The following ADAMTS8 variants were observed in gnomAD, a reference collection of about 807,000 sequenced individuals.
ADAMTS8 encodes A disintegrin and metalloproteinase with thrombospondin motifs 8.
ADAMTS8 carries 50 observed loss-of-function variants against 64.4 expected under a neutral mutation model. That is an observed-to-expected ratio of 0.78 (90% CI 0.62 to 0.98). ADAMTS8 has a LOEUF of 0.98. ADAMTS8 is among the 50% of genes least tolerant of loss of function. The probability of loss-of-function intolerance (pLI) is 0.00; values close to 1 mark genes in which losing one functional copy is unlikely to be tolerated. For synonymous variants in ADAMTS8, 556 were observed against 533.6 expected (o/e 1.04, Z -0.58); for missense variants, 1,192 against 1,208.2 (o/e 0.99, Z 0.20).
chr11:130,410,069 C>T lies in ADAMTS8; in HGVS notation c.1751-1129G>A, dbSNP rs144037728. Among the ~76,000 whole-genome samples the T allele has an allele frequency of 7.8e-4, 119 of 152,304 alleles. 1 individual carries two copies. The highest frequency in any genetic ancestry group is 3.4e-3 in the Middle Eastern group (1 of 294). On this transcript the variant is annotated intron_variant, in intron 6 of 8. Coordinates refer to ENST00000257359, the MANE Select transcript of ADAMTS8 (RefSeq NM_007037.6). ...CACCTAAGTGAATGAGGGCCCTTCT[C>T]ACACCTTTCCACCACCCTGGCAGGT... is the stretch of plus-strand genomic sequence containing the variant.
chr11:130,409,468 A>G (rs1861926562), intron 6 of ADAMTS8, among the ~76,000 whole-genome samples: 1 of 152,126 alleles, frequency 6.6e-6, no homozygotes, highest in South Asian at 2.1e-4. Context: ...AGCATGGCCA[A>G]GCTCCCGATG....
Position 130,427,577 on chromosome 11 carries a change from GCC to G in ADAMTS8, c.708_709del (p.Ala237ArgfsTer39), listed in dbSNP as rs953382297. On this transcript the variant is annotated frameshift_variant, in exon 1 of 9. Coordinates refer to ENST00000257359, the MANE Select transcript of ADAMTS8 (RefSeq NM_007037.6). LOFTEE classifies it high-confidence loss of function. ...GGCTCTCAGTCCTACCTGCAGGTCG[GCC>G]CCGTAGAAGGCAGCCATGGACGCAT... 6.5e-7 allele frequency: 1 copy of G among 1,538,400 alleles called. No homozygotes were observed. The highest frequency in any genetic ancestry group is 1.4e-5 in the African/African-American group (1 of 72,850).
chr11:130,416,059 G>C lies in ADAMTS8; in HGVS notation c.1264+104C>G. On this transcript the variant is annotated intron_variant, in intron 4 of 8. Transcript: ENST00000257359. The surrounding 1 kb of genome is among the most constrained non-coding windows in gnomAD (Gnocchi z 4.8). ...GCGTGGGAGGCTGGCCGGGGACTCA[G>C]CTCTAAGGGCCCTGTGAGGAGGCAC... The C allele has an allele frequency of 2.2e-6, 3 of 1,362,348 alleles. No homozygotes were observed. Among genetic ancestry groups the C allele is most frequent in the Non-Finnish European group, 2.9e-6 (3 of 1,026,232 alleles). 84.4% of individuals were successfully genotyped at this position (1,362,348 alleles called of 1,614,324 possible). A position where few individuals can be genotyped will look rare whatever the true frequency, so the allele number is the denominator to read the frequency against.
chr11:130,421,133 C>T (rs745639554), intron 1 of ADAMTS8, among the ~76,000 whole-genome samples: 21 of 152,148 alleles, frequency 1.4e-4, no homozygotes, highest in Non-Finnish European at 2.1e-4. Flanking sequence ...TGCTAAGCTT[C>T]GGGGCCGAGA....
intron 6 of ADAMTS8, 93 bp from the exon 7 acceptor site, chr11:130,409,033 T>G (rs1861921390): frequency 1.4e-6 from 2 of 1,441,308 alleles, no homozygotes. Flanking sequence ...CTTTTCTTCT[T>G]TCTTTTGGTT....
intron 8 of ADAMTS8, among the ~76,000 whole-genome samples, chr11:130,406,768 A>AGG (rs1861890276): frequency 1.3e-5 from 2 of 152,226 alleles, no homozygotes; most frequent in African/African-American, 4.8e-5. Flanking sequence ...AATGATAGGA[A>AGG]GCAGTTTTGG....
In ADAMTS8 at chr11:130,405,547, G is replaced by GC. The variant is rs763124711; in HGVS notation, c.*10dup. 1.5e-5 allele frequency: 23 copies of GC among 1,584,104 alleles called. No homozygotes were observed. The highest frequency in any genetic ancestry group is 2.2e-5 in the East Asian group (1 of 44,496). On this transcript the variant is annotated 3_prime_UTR_variant, in exon 9 of 9. Transcript: ENST00000257359. Reference sequence around the variant, plus strand: ...GTCCAGGAGCACAAGACTGGCCCCTGCCCCCCTGAATCACAGGGGGCACAG... The same window carrying GC: ...GTCCAGGAGCACAAGACTGGCCCCTGCCCCCCCTGAATCACAGGGGGCACAG...
At chr11:130,417,360 G>T (rs537062669) in intron 2 of ADAMTS8, among the ~76,000 whole-genome samples, 1 of 152,038 alleles carries the variant, frequency 6.6e-6, no homozygotes, top group Non-Finnish European at 1.5e-5. Flanking sequence ...GGGTTGAGGC[G>T]ATTCTCCCAC....
intron 2 of ADAMTS8, among the ~76,000 whole-genome samples, 174 bp downstream of exon 2, chr11:130,418,879 A>G (rs912743035): frequency 1.4e-5 from 2 of 138,708 alleles, no homozygotes; most frequent in East Asian, 2.3e-4. Flanking sequence ...TTCCCTTGCA[A>G]ATACCTCACA....
rs1388267505 is a variant in ADAMTS8, at chr11:130,428,119, G to C, written c.168C>G (p.His56Gln). The C allele has an allele frequency of 6.6e-7, 1 of 1,516,592 alleles. No homozygotes were observed. The allele number at this position is 1,516,592 out of a possible 1,614,324, so 93.9% of individuals were successfully genotyped here. The change falls in exon 1 of 9, where the codon CAC (histidine) becomes CAG (glutamine). Residue 56 changes from histidine to glutamine, a missense_variant. Transcript: ENST00000257359. ...CGAAGCCCTTGCCGAAGGCGGACAGGTGGAGCGCGAGCTCGCCCGCGCTGC... is the reference window on the plus strand; with the variant it reads ...CGAAGCCCTTGCCGAAGGCGGACAGCTGGAGCGCGAGCTCGCCCGCGCTGC... ...LPGSAGELAL[H>Q]LSAFGKGFVL...
Position 130,405,168 on chromosome 11 carries a change from T to G in ADAMTS8, c.*390A>C. The G allele has an allele frequency of 9.9e-7, 1 of 1,007,536 alleles. No homozygotes were observed. The highest frequency in any genetic ancestry group is 1.2e-6 in the Non-Finnish European group (1 of 844,228). The allele number at this position is 1,007,536 out of a possible 1,614,324, so 62.4% of individuals were successfully genotyped here. ...CTGCCCCACGCCTCTCTTGTACTAA[T>G]TTTTTCCCCTGTGAGGTAGATTATT... On this transcript the variant is annotated 3_prime_UTR_variant, in exon 9 of 9. Coordinates refer to ENST00000257359, the MANE Select transcript of ADAMTS8 (RefSeq NM_007037.6).
At chr11:130,410,013 C>G (rs1233811372) in intron 6 of ADAMTS8, among the ~76,000 whole-genome samples, 1 of 152,166 alleles carries the variant, frequency 6.6e-6, no homozygotes, top group Non-Finnish European at 1.5e-5. Context: ...TGTGGTCTGG[C>G]CTTGACATAG....
Position 130,405,284 on chromosome 11 carries a change from T to C in ADAMTS8, c.*274A>G. 4.0e-6 allele frequency: 5 copies of C among 1,243,888 alleles called. No individual in the cohort carries two copies. Among genetic ancestry groups the C allele is most frequent in the Non-Finnish European group, 5.0e-6 (5 of 993,926 alleles). 77.1% of individuals were successfully genotyped at this position (1,243,888 alleles called of 1,614,324 possible). A position where few individuals can be genotyped will look rare whatever the true frequency, so the allele number is the denominator to read the frequency against. ...ACGCTGAGTGTCCTGTCTGAGTCAA[T>C]AAGTGCACTTTTACCTTTTAACCTA... On this transcript the variant is annotated 3_prime_UTR_variant, in exon 9 of 9. Transcript: ENST00000257359.
At position 130,417,056 on chromosome 11, in the gene ADAMTS8, C is replaced by G. The variant is rs1862036119; in HGVS notation, c.980G>C (p.Gly327Ala). 2 of 1,613,806 alleles carry G rather than the reference C, an allele frequency of 1.2e-6. No homozygotes were observed. Among genetic ancestry groups the G allele is most frequent in the African/African-American group, 1.3e-5 (1 of 74,888 alleles). ...LTRQNFCGQEGLCDTLGVADI... is the reference protein window; with the variant it reads ...LTRQNFCGQEALCDTLGVADI... ...TGCCACACCCAGGGTGTCACACAGC[C>G]CCTCCTGCCCACAGAAGTTCTGCGT... is the stretch of plus-strand genomic sequence containing the variant. The change falls in exon 3 of 9, where the codon GGG (glycine) becomes GCG (alanine). Residue 327 changes from glycine (G) to alanine (A), a missense_variant. By Grantham distance (60) the Gly-to-Ala change is moderately conservative (BLOSUM62 0). Coordinates refer to ENST00000257359, the MANE Select transcript of ADAMTS8 (RefSeq NM_007037.6).
Position 130,421,348 on chromosome 11 carries a change from G to A in ADAMTS8, c.721-2056C>T, listed in dbSNP as rs373696993. ...GGCAAGACAGCACAAGGAGCTTCCCGGCCCTAAGGTTCCCAGGGAGCCTCC... is the reference window on the plus strand; with the variant it reads ...GGCAAGACAGCACAAGGAGCTTCCCAGCCCTAAGGTTCCCAGGGAGCCTCC... On this transcript the variant is annotated intron_variant, in intron 1 of 8. Coordinates refer to ENST00000257359, the MANE Select transcript of ADAMTS8 (RefSeq NM_007037.6). 1.4e-4 allele frequency among the ~76,000 whole-genome samples: 21 copies of A among 152,274 alleles called. No homozygotes were observed. In the South Asian group the frequency reaches 2.5e-3, roughly 18 times the overall value.
rs771517202 is a variant in ADAMTS8, at chr11:130,408,553, C to T, written c.2010G>A (p.Val670=). ...ATTTGTCCAGCTTCCGAGGCGAGTC[C>T]ACCACATGGTCACAGCCGGCCTTGA... ...QCVKAGCDHV[V]DSPRKLDKCG... The change falls in exon 8 of 9, where the codon GTG becomes GTA. Residue 670 remains valine, a synonymous_variant. Transcript: ENST00000257359. 6.2e-7 allele frequency: 1 copy of T among 1,614,170 alleles called. No homozygotes were observed. Among genetic ancestry groups the T allele is most frequent in the Non-Finnish European group, 8.5e-7 (1 of 1,180,038 alleles).
intron 5 of ADAMTS8, among the ~76,000 whole-genome samples, chr11:130,412,980 C>G (rs1449950372): frequency 1.3e-5 from 2 of 152,168 alleles, no homozygotes; most frequent in Non-Finnish European, 2.9e-5. Flanking sequence ...AAGTGATTCT[C>G]CTGTCTTGGC....
chr11:130,427,596 T>TGGAC lies in ADAMTS8; in HGVS notation c.687_690dup (p.Met231ValfsTer47). ...AGGTCGGCCCCGTAGAAGGCAGCCA[T>TGGAC]GGACGCATCGGCCACCAGCAGCGTC... On this transcript the variant is annotated frameshift_variant, in exon 1 of 9. Transcript: ENST00000257359. LOFTEE classifies it high-confidence loss of function. 6.5e-7 allele frequency: 1 copy of TGGAC among 1,542,756 alleles called. No homozygotes were observed. The highest frequency in any genetic ancestry group is 8.7e-7 in the Non-Finnish European group (1 of 1,147,774).
At position 130,416,966 on chromosome 11, in the gene ADAMTS8, GCCTGGAGCC is replaced by G; in HGVS notation, c.1061_1069del (p.Gly354_Gln356del). ...TAGTTCATGGGCCAGGGTGTGGGCC[GCCTGGAGCC>G]CCTCATCCTCGATCACGGAGCAGCT... On this transcript the variant is annotated inframe_deletion, in exon 3 of 9. Coordinates refer to ENST00000257359, the MANE Select transcript of ADAMTS8 (RefSeq NM_007037.6). This position sits in a 1 kb window ranked among gnomAD's most constrained non-coding sequence, Gnocchi z 4.8. The G allele has an allele frequency of 6.2e-7, 1 of 1,614,084 alleles. No individual in the cohort carries two copies. Among genetic ancestry groups the G allele is most frequent in the Non-Finnish European group, 8.5e-7 (1 of 1,180,008 alleles).
Sources: allele counts gnomAD v4.1 joint callset (sites outside exome capture counted in the v4.1 genomes callset), GRCh38; gene constraint gnomAD v4.1.1; non-coding constraint Gnocchi (gnomAD v3.1); transcripts MANE v1.5; gene names NCBI Gene and HGNC (gene_info 2026-07-23, HGNC 2026-07-21).